SLC36A3: variants seen among roughly 807,000 people sequenced by gnomAD.
SLC36A3 encodes the protein proton-coupled amino acid transporter 3.
A neutral mutation model predicts 44.3 loss-of-function variants in SLC36A3; 35 were observed. The observed-to-expected ratio is 0.79, with a 90% CI of 0.60 to 1.05. SLC36A3 has a LOEUF of 1.05. Ranked by LOEUF, SLC36A3 falls within the 50% of genes least tolerant of loss-of-function variation. SLC36A3 has a pLI of 0.00. For missense variants in SLC36A3, 540 were observed against 578.7 expected (o/e 0.93, Z 0.69); for synonymous variants, 211 against 227.6 (o/e 0.93, Z 0.66).
intron 4 of SLC36A3, among the ~76,000 whole-genome samples, chr5:151,291,356 C>A (rs1326037427): frequency 6.6e-6 from 1 of 152,196 alleles, no homozygotes; most frequent in Non-Finnish European, 1.5e-5. Flanking sequence ...ATCTGTCTTA[C>A]AGTTGGTTTC....
chr5:151,294,048 G>A (rs2127267969), intron 3 of SLC36A3, among the ~76,000 whole-genome samples: 1 of 152,356 alleles, frequency 6.6e-6, no homozygotes, highest in Non-Finnish European at 1.5e-5. Flanking sequence ...CCAGATCCTG[G>A]AAGCACGGCA....
chr5:151,296,313 C>T (rs374120162), intron 2 of SLC36A3, 45 bp from the exon 3 acceptor site: 7 of 1,519,798 alleles, frequency 4.6e-6, no homozygotes, highest in African/African-American at 1.4e-5. Flanking sequence ...GAAATGATCA[C>T]TCCCATTCCC....
At chr5:151,282,182 A>G (rs945601489) in intron 8 of SLC36A3, among the ~76,000 whole-genome samples, 3 of 116,172 alleles carry the variant, frequency 2.6e-5, no homozygotes, top group Non-Finnish European at 4.8e-5. Context: ...GTGCAATGGT[A>G]TGATCTCACT....
chr5:151,292,216 T>A (rs1001830644), intron 4 of SLC36A3, among the ~76,000 whole-genome samples: 1 of 152,190 alleles, frequency 6.6e-6, no homozygotes, highest in Non-Finnish European at 1.5e-5. Context: ...AAATTAAAGA[T>A]GACAAATTAT....
At chr5:151,293,332 G>T in intron 4 of SLC36A3, 32 bp downstream of exon 4, 1 of 1,559,262 alleles carries the variant, frequency 6.4e-7, no homozygotes, top group Non-Finnish European at 8.8e-7. Flanking sequence ...GATGATTTTT[G>T]TTGTTACTAC....
chr5:151,291,216 A>G (rs1416286880), intron 4 of SLC36A3, among the ~76,000 whole-genome samples: 1 of 152,098 alleles, frequency 6.6e-6, no homozygotes, highest in African/African-American at 2.4e-5. Context: ...ACCTGGTCTC[A>G]AGAGATCCTC....
chr5:151,285,942 C>T (rs773182464), intron 6 of SLC36A3, among the ~76,000 whole-genome samples: 27 of 151,762 alleles, frequency 1.8e-4, no homozygotes, highest in Non-Finnish European at 3.1e-4. Context: ...TTCAACCTAG[C>T]GAGACTCAAG....
chr5:151,292,337 G>C (rs1754789977), intron 4 of SLC36A3, among the ~76,000 whole-genome samples: 1 of 152,174 alleles, frequency 6.6e-6, no homozygotes, highest in Admixed American at 6.5e-5. Flanking sequence ...CAAGAGAGGA[G>C]CTGCAAAGGA....
chr5:151,284,487 C>G (rs1331378924), intron 7 of SLC36A3, 126 bp downstream of exon 7: 1 of 768,068 alleles, frequency 1.3e-6, no homozygotes, highest in Non-Finnish European at 2.1e-6. Context: ...TACAGACTTT[C>G]CCTTCACCAG....
intron 1 of SLC36A3, among the ~76,000 whole-genome samples, chr5:151,300,907 C>A (rs909434891): frequency 5.3e-5 from 8 of 152,230 alleles, no homozygotes; most frequent in African/African-American, 1.9e-4. Context: ...GGATCCTCAA[C>A]TAATTTTCTG....
rs201585244 is a variant in SLC36A3, at chr5:151,281,037, C to A, written c.1121G>T (p.Arg374Leu). The A allele has an allele frequency of 3.7e-6, 6 of 1,614,070 alleles. No homozygotes were observed. In the Admixed American group the frequency reaches 8.3e-5, roughly 22 times the overall value. The change falls in exon 9 of 10, where the codon CGC becomes CTC. Residue 374 changes from arginine (R) to leucine (L), a missense_variant. By Grantham distance (102) the Arg-to-Leu change is moderately radical. Coordinates refer to ENST00000335230, the MANE Select transcript of SLC36A3 (RefSeq NM_181774.4). ...ACAGGTTAGACAGACCAAGGCTGAG[C>A]GGACAGACAGGTCTACAAACAGTGC... ...SWALFVDLSV[R>L]SALVCLTCVS...
In SLC36A3 at chr5:151,303,348, A is replaced by G. The variant is rs1313520618; in HGVS notation, c.7T>C (p.Leu3=). MS[L]LGRDYNSELN... is the part of the protein sequence containing the mutation. ...TCACTGTTGTAGTCCCTTCCAAGCA[A>G]TGACATCTTCAACACGGTGGGTAGG... Residue 3 remains leucine (L), a synonymous_variant, in exon 1 of 10, where the codon TTG becomes CTG. Coordinates refer to ENST00000335230, the MANE Select transcript of SLC36A3 (RefSeq NM_181774.4). 3.7e-6 allele frequency: 6 copies of G among 1,613,104 alleles called. No individual in the cohort carries two copies. Among genetic ancestry groups the G allele is most frequent in the Non-Finnish European group, 5.1e-6 (6 of 1,179,458 alleles).
At chr5:151,280,223 G>A (rs1268587921) in intron 9 of SLC36A3, among the ~76,000 whole-genome samples, 1 of 152,194 alleles carries the variant, frequency 6.6e-6, no homozygotes, top group Non-Finnish European at 1.5e-5. Flanking sequence ...GGGAGGCTGA[G>A]GCAGGCAGAT....
In SLC36A3 at chr5:151,276,579, T is replaced by A. The variant is rs1754100535; in HGVS notation, c.*814A>T. 6.6e-6 allele frequency among the ~76,000 whole-genome samples: 1 copy of A among 152,250 alleles called. No homozygotes were observed. The highest frequency in any genetic ancestry group is 2.4e-5 in the African/African-American group (1 of 41,462). Reference sequence around the variant, plus strand: ...CCATGAATATTTTTGTACAAGTCTTTTTATGGATATATATTTCTTTTTTCT... The same window carrying A: ...CCATGAATATTTTTGTACAAGTCTTATTATGGATATATATTTCTTTTTTCT... On this transcript the variant is annotated 3_prime_UTR_variant, in exon 10 of 10. Transcript: ENST00000335230.
At chr5:151,299,193 C>T (rs901814331) in intron 1 of SLC36A3, among the ~76,000 whole-genome samples, 2 of 145,162 alleles carry the variant, frequency 1.4e-5, no homozygotes, top group African/African-American at 5.1e-5. Flanking sequence ...TTTGTTCAAC[C>T]AATATTCATT....
Position 151,300,049 on chromosome 5 carries a change from C to T in SLC36A3, c.129-1366G>A, listed in dbSNP as rs74823953. Among the ~76,000 whole-genome samples the T allele has an allele frequency of 1.0e-2, 1,522 of 152,230 alleles. 17 individuals carry two copies. Among genetic ancestry groups the T allele is most frequent in the Non-Finnish European group, 0.015 (1,021 of 68,010 alleles). On this transcript the variant is annotated intron_variant, in intron 1 of 9. Transcript: ENST00000335230. ...GGCTGGTTTAAGCAAGTAGAAGTGC[C>T]CCCTCCACCCAAGAACAAAAGGGTA... is the stretch of plus-strand genomic sequence containing the variant.
rs780350694 is a variant in SLC36A3 at position 151,284,670 on chromosome 5, C to A, written c.750G>T (p.Trp250Cys). The A allele has an allele frequency of 4.3e-6, 7 of 1,613,332 alleles. No individual in the cohort carries two copies. The Admixed American group carries it at 1.2e-4, about 27-fold the overall frequency. ...YPSNLPLMAN[W>C]KTFLLFFGTA... Reference sequence around the variant, plus strand: ...TACCAAAGAACAGCAAGAAGGTCTTCCAGTTTGCCATCAAGGGTAGGTTGC... The same window carrying A: ...TACCAAAGAACAGCAAGAAGGTCTTACAGTTTGCCATCAAGGGTAGGTTGC... Residue 250 changes from tryptophan to cysteine, a missense_variant, in exon 7 of 10, where the codon TGG becomes TGT. Transcript: ENST00000335230.
chr5:151,302,797 G>A (rs1468851667), intron 1 of SLC36A3, among the ~76,000 whole-genome samples: 1 of 151,988 alleles, frequency 6.6e-6, no homozygotes, highest in Non-Finnish European at 1.5e-5. Context: ...TGAGTTTGGG[G>A]CAGTAAAGGT....
At chr5:151,281,208 A>G (rs1368393) in intron 8 of SLC36A3, 25 bp from the exon 9 acceptor site, 649,063 of 1,582,660 alleles carry the variant, frequency 0.41, 140,470 homozygotes, top group African/African-American at 0.72. Context: ...ATTGGATGTG[A>G]AAGGTGATGT....
Sources: gnomAD v4.1 joint callset for allele counts (sites outside exome capture counted in the v4.1 genomes callset) on GRCh38, gnomAD v4.1.1 for gene constraint, MANE v1.5 for transcripts, NCBI Gene and HGNC (gene_info 2026-07-23, HGNC 2026-07-21) for gene names.